Variants in SSC5D observed in about 807,000 individuals in gnomAD.
The protein encoded by SSC5D is scavenger receptor cysteine rich family member with 5 domains, also known as soluble scavenger receptor cysteine-rich domain-containing protein SSC5D.
Under a neutral mutation model 104.6 loss-of-function variants are expected in SSC5D, and 106 were observed. That is an observed-to-expected ratio of 1.01 (90% CI 0.87 to 1.19). SSC5D has a LOEUF of 1.19. Ranked by LOEUF, SSC5D falls within the 50% of genes most tolerant of loss-of-function variation. SSC5D has a pLI of 0.00. For missense variants in SSC5D, 1,993 were observed against 2,153.8 expected (o/e 0.93, Z 1.48); for synonymous variants, 860 against 883.5 (o/e 0.97, Z 0.47).
Position 55,500,884 on chromosome 19 carries a change from C to T in SSC5D, c.2617+80C>T, listed in dbSNP as rs1372464897. 4.0e-6 allele frequency: 6 copies of T among 1,503,366 alleles called. No homozygotes were observed. In the South Asian group the frequency reaches 5.2e-5, roughly 13 times the overall value. 93.1% of individuals were successfully genotyped at this position (1,503,366 alleles called of 1,614,324 possible). A position where few individuals can be genotyped will look rare whatever the true frequency, so the allele number is the denominator to read the frequency against. On this transcript the variant is annotated intron_variant, in intron 11 of 13. Coordinates refer to ENST00000389623, the MANE Select transcript of SSC5D (RefSeq NM_001144950.2). The surrounding 1 kb of genome is among the most constrained non-coding windows in gnomAD (Gnocchi z 4.6). ...GTCAGGGTGGGGCCAGGTGACGGCA[C>T]CATGGTCGACTCTAAAGAACTGGGT...
rs1056667963 is a variant in SSC5D at position 55,503,041 on chromosome 19, C to T, written c.2785+1840C>T. Among the ~76,000 whole-genome samples, 3 of 152,072 alleles carry T rather than the reference C, an allele frequency of 2.0e-5. No individual in the cohort carries two copies. Among genetic ancestry groups the T allele is most frequent in the African/African-American group, 4.8e-5 (2 of 41,414 alleles). On this transcript the variant is annotated intron_variant, in intron 12 of 13. Coordinates refer to ENST00000389623, the MANE Select transcript of SSC5D (RefSeq NM_001144950.2). The surrounding 1 kb of genome is among the most constrained non-coding windows in gnomAD (Gnocchi z 4.0). ...TGTTGGCCAGGCTGGTCTCAAATTC[C>T]TGACCTCGTGATCCGCCTGCCTCGG...
Position 55,517,581 on chromosome 19 carries a change from C to A in SSC5D, c.3305C>A (p.Pro1102His). 1 of 1,551,692 alleles carries A rather than the reference C, an allele frequency of 6.4e-7. No homozygotes were observed. The highest frequency in any genetic ancestry group is 8.7e-7 in the Non-Finnish European group (1 of 1,147,026). Residue 1102 changes from proline to histidine, a missense_variant, in exon 14 of 14, where the codon CCT becomes CAT. Physicochemically the swap from Pro to His is moderately conservative, Grantham distance 77. This residue lies in a region of SSC5D where 423 missense variants were observed against 409.2 expected (regional missense o/e 1.03). Transcript: ENST00000389623. The stretch of plus-strand genomic sequence containing the variant: ...TTGCCCAAAGAGCTGACCTCTGACC[C>A]TTCTACACCGTCGGAGGTGACCAGC... Reference protein sequence around the residue: ...PTLPKELTSDPSTPSEVTSLS... With the variant: ...PTLPKELTSDHSTPSEVTSLS...
At chr19:55,507,561 G>T (rs568057572) in intron 12 of SSC5D, among the ~76,000 whole-genome samples, 8 of 150,818 alleles carry the variant, frequency 5.3e-5, no homozygotes, top group Non-Finnish European at 1.0e-4. Context: ...AGCTACTCGG[G>T]AGGCTGAGGC....
chr19:55,515,013 C>T (rs1159619965), intron 13 of SSC5D, among the ~76,000 whole-genome samples: 1 of 152,160 alleles, frequency 6.6e-6, no homozygotes, highest in Non-Finnish European at 1.5e-5. Flanking sequence ...ATCCTGCAAA[C>T]AAAGGACAAG....
At chr19:55,493,320 G>A (rs958227983) in intron 6 of SSC5D, among the ~76,000 whole-genome samples, 1 of 152,112 alleles carries the variant, frequency 6.6e-6, no homozygotes, top group Non-Finnish European at 1.5e-5. Flanking sequence ...TAGGATCCGA[G>A]GGGCCAGGCA....
intron 8 of SSC5D, 89 bp downstream of exon 8, chr19:55,494,872 G>A (rs1987269571): frequency 7.1e-7 from 1 of 1,400,278 alleles, no homozygotes; most frequent in African/African-American, 1.5e-5. Context: ...GGGGCCTCTT[G>A]CAAAGAGAAA....
chr19:55,492,337 A>C (rs572084478), intron 6 of SSC5D: 1 of 152,330 alleles, frequency 6.6e-6, no homozygotes, highest in South Asian at 2.1e-4. Flanking sequence ...GCAGCAGAGA[A>C]GGCTTGTATG....
intron 12 of SSC5D, among the ~76,000 whole-genome samples, chr19:55,512,283 A>C (rs1987774539): frequency 6.6e-6 from 1 of 150,634 alleles, no homozygotes; most frequent in Non-Finnish European, 1.5e-5. Flanking sequence ...CCCTAAATAA[A>C]ATGGCATACA....
Position 55,518,924 on chromosome 19 carries a change from T to C in SSC5D, c.4648T>C (p.Trp1550Arg), listed in dbSNP as rs1238581192. The change falls in exon 14 of 14, where the codon TGG becomes CGG. Residue 1550 changes from tryptophan to arginine, a missense_variant. This residue lies in a region of SSC5D where 349 missense variants were observed against 397.6 expected (regional missense o/e 0.88). Coordinates refer to ENST00000389623, the MANE Select transcript of SSC5D (RefSeq NM_001144950.2). Reference sequence around the variant, plus strand: ...TGTGAAGAGACTGGCAGAGATGGCCTGGACCACCAGCATGCCTGCACCAAC... The same window carrying C: ...TGTGAAGAGACTGGCAGAGATGGCCCGGACCACCAGCATGCCTGCACCAAC... ...EAVKRLAEMA[W>R]TTSMPAPTTT... 4.5e-6 allele frequency: 7 copies of C among 1,550,254 alleles called. No individual in the cohort carries two copies. The highest frequency in any genetic ancestry group is 1.7e-4 in the Middle Eastern group (1 of 5,988).
Position 55,494,016 on chromosome 19 carries a change from C to T in SSC5D, c.1213+104C>T, listed in dbSNP as rs1017222762. 4 of 1,026,320 alleles carry T rather than the reference C, an allele frequency of 3.9e-6. No individual in the cohort carries two copies. In the South Asian group the frequency reaches 4.7e-5, roughly 12 times the overall value. 63.6% of individuals were successfully genotyped at this position (1,026,320 alleles called of 1,614,324 possible). On this transcript the variant is annotated intron_variant, in intron 7 of 13. Coordinates refer to ENST00000389623, the MANE Select transcript of SSC5D (RefSeq NM_001144950.2). Reference sequence around the variant, plus strand: ...GGGGTCCCTACGCGCCCTTCCTGCCCTCTCTCCGGACTTTCCACTCCCCCA... The same window carrying T: ...GGGGTCCCTACGCGCCCTTCCTGCCTTCTCTCCGGACTTTCCACTCCCCCA...
intron 8 of SSC5D, among the ~76,000 whole-genome samples, chr19:55,496,028 A>T (rs1280181021): frequency 1.3e-5 from 2 of 149,950 alleles, no homozygotes; most frequent in Non-Finnish European, 1.5e-5. Flanking sequence ...GGCGTGAGCC[A>T]CCCGGCCAGG....
Position 55,489,035 on chromosome 19 carries a change from A to G in SSC5D, c.52+3A>G. On this transcript the variant is annotated splice_donor_region_variant and intron_variant, in intron 2 of 13. Coordinates refer to ENST00000389623, the MANE Select transcript of SSC5D (RefSeq NM_001144950.2). ...CCTGGTGGGGATCCAGGCTGTTGGT[A>G]AGTGCCCAGACTCCTCCCATCTGCC... is the stretch of plus-strand genomic sequence containing the variant. The G allele has an allele frequency of 6.8e-7, 1 of 1,478,162 alleles. No homozygotes were observed. Among genetic ancestry groups the G allele is most frequent in the Non-Finnish European group, 9.0e-7 (1 of 1,114,310 alleles). The allele number at this position is 1,478,162 out of a possible 1,614,324, so 91.6% of individuals were successfully genotyped here. A position where few individuals can be genotyped will look rare whatever the true frequency, so the allele number is the denominator to read the frequency against.
Position 55,518,872 on chromosome 19 carries a change from C to T in SSC5D, c.4596C>T (p.Ala1532=). ...GGCTGACGCAGCTGGTAGAAGCTGC[C>T]CGGGGTCTGGGGCAGCTGGGTGAGG... The part of the protein sequence containing the change: ...LLGLTQLVEA[A]RGLGQLGEAV... Residue 1532 remains alanine (A), a synonymous_variant, in exon 14 of 14, where the codon GCC becomes GCT. Transcript: ENST00000389623. The T allele has an allele frequency of 1.9e-6, 3 of 1,550,194 alleles. No individual in the cohort carries two copies. The highest frequency in any genetic ancestry group is 2.6e-6 in the Non-Finnish European group (3 of 1,146,964).
chr19:55,491,392 C>T, intron 6 of SSC5D: 1 of 338,070 alleles, frequency 3.0e-6, no homozygotes, highest in Non-Finnish European at 5.4e-6. Flanking sequence ...ATGCCTGCCT[C>T]AGGCTTGAGC....
Position 55,494,595 on chromosome 19 carries a change from C to T in SSC5D, c.1214-15C>T. 1 of 1,506,740 alleles carries T rather than the reference C, an allele frequency of 6.6e-7. No homozygotes were observed. The allele number at this position is 1,506,740 out of a possible 1,614,324, so 93.3% of individuals were successfully genotyped here. A position where few individuals can be genotyped will look rare whatever the true frequency, so the allele number is the denominator to read the frequency against. Reference sequence around the variant, plus strand: ...GGTGTGTGTGGGTGGCAATCACTTACCCCCTGCTCCACAGGCATGCCCCTG... The same window carrying T: ...GGTGTGTGTGGGTGGCAATCACTTATCCCCTGCTCCACAGGCATGCCCCTG... On this transcript the variant is annotated splice_polypyrimidine_tract_variant and intron_variant, in intron 7 of 13. Transcript: ENST00000389623.
At chr19:55,495,453 G>C (rs1016631547) in intron 8 of SSC5D, among the ~76,000 whole-genome samples, 1 of 147,342 alleles carries the variant, frequency 6.8e-6, no homozygotes, top group African/African-American at 2.5e-5. Flanking sequence ...GGCTGGTCTT[G>C]AACTCCTGAT....
At position 55,501,050 on chromosome 19, in the gene SSC5D, C is replaced by T. The variant is rs779946634; in HGVS notation, c.2634C>T (p.Asp878=). 5.8e-6 allele frequency: 9 copies of T among 1,551,924 alleles called. No homozygotes were observed. Among genetic ancestry groups the T allele is most frequent in the South Asian group, 3.6e-5 (3 of 84,064 alleles). The change falls in exon 12 of 14, where the codon GAC becomes GAT. Residue 878 remains aspartate (D), a synonymous_variant. Coordinates refer to ENST00000389623, the MANE Select transcript of SSC5D (RefSeq NM_001144950.2). ...GLTCTGYTDY[D]DYPPWTWDPT... is the part of the protein sequence containing the mutation. ...TCTCCAAAGGCTACACAGACTATGA[C>T]GATTATCCCCCCTGGACCTGGGACC...
In SSC5D at chr19:55,518,475, C is replaced by T; in HGVS notation, c.4199C>T (p.Thr1400Ile). Reference sequence around the variant, plus strand: ...AGCCCCTCCAGGTCCTCCACAGCCACAAGCATGGACCCACTGTCCACTGAG... The same window carrying T: ...AGCCCCTCCAGGTCCTCCACAGCCATAAGCATGGACCCACTGTCCACTGAG... ...ESSPSRSSTA[T>I]SMDPLSTEDF... Residue 1400 changes from threonine (T) to isoleucine (I), a missense_variant, in exon 14 of 14, where the codon ACA (threonine) becomes ATA (isoleucine). By Grantham distance (89) the Thr-to-Ile change is moderately conservative. Coordinates refer to ENST00000389623, the MANE Select transcript of SSC5D (RefSeq NM_001144950.2). 1 of 1,551,390 alleles carries T rather than the reference C, an allele frequency of 6.4e-7. No individual in the cohort carries two copies. The highest frequency in any genetic ancestry group is 8.7e-7 in the Non-Finnish European group (1 of 1,146,954).
rs1437419825 is a variant in SSC5D at position 55,499,889 on chromosome 19, T to C, written c.1779T>C (p.Asp593=). The change falls in exon 10 of 14, where the codon GAT becomes GAC. Residue 593 remains aspartate (D), a synonymous_variant. Transcript: ENST00000389623. Reference sequence around the variant, plus strand: ...TTCCTGGACTGGGGAGAGATCGGGATGCCTGGCTCCCGGGAGAGCTGGCCA... The same window carrying C: ...TTCCTGGACTGGGGAGAGATCGGGACGCCTGGCTCCCGGGAGAGCTGGCCA... ...SWIPGLGRDR[D]AWLPGELATK... is the part of the protein sequence containing the mutation. 8 of 1,551,512 alleles carry C rather than the reference T, an allele frequency of 5.2e-6. No individual in the cohort carries two copies. The East Asian group carries it at 9.8e-5, about 19-fold the overall frequency.
Sources: gnomAD v4.1 joint callset for allele counts (sites outside exome capture counted in the v4.1 genomes callset) on GRCh38, gnomAD v4.1.1 for gene constraint, gnomAD v4.1.1 regional missense constraint, Gnocchi (gnomAD v3.1) non-coding constraint, MANE v1.5 for transcripts, NCBI Gene and HGNC (gene_info 2026-07-23, HGNC 2026-07-21) for gene names.